The following PTPRD variants were observed in gnomAD, a reference collection of about 807,000 sequenced individuals.
The protein encoded by PTPRD is protein tyrosine phosphatase receptor type D.
PTPRD carries 34 observed loss-of-function variants against 214.5 expected under a neutral mutation model. The ratio of observed to expected loss-of-function variants is 0.16; its 90% confidence interval spans 0.12 to 0.21. The LOEUF is 0.21. Ranked by LOEUF, PTPRD falls within the 10% of genes least tolerant of loss-of-function variation. The pLI is 1.00. For synonymous variants in PTPRD, 1,128 were observed against 845.7 expected, an observed-to-expected ratio of 1.33 and a Z score of -5.79; for missense variants, 2,545 against 2,398.7, an observed-to-expected ratio of 1.06 and a Z score of -1.27.
intron 14 of PTPRD, among the ~76,000 whole-genome samples, chr9:8,610,164 T>G (rs1209660338): frequency 6.7e-6 from 1 of 150,356 alleles, no homozygotes; most frequent in African/African-American, 2.5e-5. Context: ...ATCATTATTA[T>G]TTGTTGTTGT....
At chr9:10,195,275 G>C (rs906209222) in intron 3 of PTPRD, among the ~76,000 whole-genome samples, 1 of 152,000 alleles carries the variant, frequency 6.6e-6, no homozygotes, top group Admixed American at 6.6e-5. Context: ...TCCTCATTTG[G>C]AAAAGGAAGG....
In PTPRD at chr9:9,969,118, C is replaced by A. The variant is rs138823767; in HGVS notation, c.-471-30508G>T. On this transcript the variant is annotated intron_variant, in intron 4 of 45. Coordinates refer to ENST00000381196, the MANE Select transcript of PTPRD (RefSeq NM_002839.4). ...GCATGTGACACGTCCATAAAAGTCTCACTGAGGAAATAACAAAGCTATGAC... is the reference window on the plus strand; with the variant it reads ...GCATGTGACACGTCCATAAAAGTCTAACTGAGGAAATAACAAAGCTATGAC... Among the ~76,000 whole-genome samples, 52 of 152,210 alleles carry A rather than the reference C, an allele frequency of 3.4e-4. No individual in the cohort carries two copies. The East Asian group carries it at 6.8e-3, about 20-fold the overall frequency.
At chr9:8,508,891 CTGTGTGTGTGTGTG>C (rs59265464) in intron 21 of PTPRD, among the ~76,000 whole-genome samples, 3 of 140,502 alleles carry the variant, frequency 2.1e-5, no homozygotes, top group Non-Finnish European at 3.2e-5. Flanking sequence ...GTGTGTGTGT[CTGTGTGTGTGTGTG>C]TGTGTGTGTG....
chr9:10,599,014 C>T (rs2077325194), intron 2 of PTPRD, among the ~76,000 whole-genome samples: 1 of 151,638 alleles, frequency 6.6e-6, no homozygotes, highest in Admixed American at 6.6e-5. Flanking sequence ...TATGGGACTA[C>T]ATTTCCCAGC....
intron 11 of PTPRD, among the ~76,000 whole-genome samples, chr9:8,808,487 G>A (rs1178314637): frequency 3.5e-5 from 2 of 57,792 alleles, no homozygotes; most frequent in South Asian, 9.0e-4. Flanking sequence ...TTTTTTTTTG[G>A]CTTTCATGGA....
intron 7 of PTPRD, among the ~76,000 whole-genome samples, chr9:9,730,228 T>C (rs1394776310): frequency 2.0e-5 from 3 of 152,170 alleles, no homozygotes; most frequent in Admixed American, 6.6e-5. Context: ...GTATGACTAA[T>C]GCTAAGCACA....
At chr9:9,296,415 A>G (rs937579977) in intron 9 of PTPRD, among the ~76,000 whole-genome samples, 10 of 151,764 alleles carry the variant, frequency 6.6e-5, no homozygotes, top group African/African-American at 2.4e-4. Flanking sequence ...ACCTTCTGAC[A>G]AATTTGATTT....
chr9:9,937,008 AG>A (rs1388744340), intron 5 of PTPRD, among the ~76,000 whole-genome samples: 1 of 151,900 alleles, frequency 6.6e-6, no homozygotes, highest in African/African-American at 2.4e-5. Context: ...TCTCACTCAT[AG>A]GTGGGAATTG....
chr9:8,749,181 T>A (rs952676273), intron 11 of PTPRD, among the ~76,000 whole-genome samples: 3 of 152,172 alleles, frequency 2.0e-5, no homozygotes, highest in African/African-American at 7.2e-5. Flanking sequence ...TGGGATTTTT[T>A]GTTTTTGTTC....
At chr9:9,201,665 A>C (rs562894399) in intron 9 of PTPRD, among the ~76,000 whole-genome samples, 1 of 152,210 alleles carries the variant, frequency 6.6e-6, no homozygotes, top group Admixed American at 6.5e-5. Flanking sequence ...AATAATTAAC[A>C]AATGTCTTAC....
At chr9:10,271,530 G>GTTTCT (rs200343939) in intron 3 of PTPRD, among the ~76,000 whole-genome samples, 158 of 117,796 alleles carry the variant, frequency 1.3e-3, no homozygotes, top group African/African-American at 4.1e-3. Context: ...AAATTCAATT[G>GTTTCT]TTTCTTTTCT....
At chr9:8,866,053 C>T (rs893744223) in intron 11 of PTPRD, among the ~76,000 whole-genome samples, 7 of 152,150 alleles carry the variant, frequency 4.6e-5, no homozygotes, top group Admixed American at 3.3e-4. Flanking sequence ...CTTAGATGAA[C>T]AGAGCATTCA....
chr9:10,364,190 A>C (rs994714588), intron 2 of PTPRD, among the ~76,000 whole-genome samples: 4 of 151,370 alleles, frequency 2.6e-5, no homozygotes, highest in African/African-American at 9.7e-5. Context: ...TTTAGTAGAG[A>C]TAGGGTTTCA....
At chr9:9,127,359 C>T (rs745422535) in intron 10 of PTPRD, among the ~76,000 whole-genome samples, 11 of 152,114 alleles carry the variant, frequency 7.2e-5, no homozygotes, top group Non-Finnish European at 1.6e-4. Flanking sequence ...TAGTTAACCT[C>T]ATAACAAACA....
intron 3 of PTPRD, among the ~76,000 whole-genome samples, chr9:10,148,730 T>G (rs2099040856): frequency 6.6e-6 from 1 of 152,204 alleles, no homozygotes; most frequent in African/African-American, 2.4e-5. Context: ...CCAACTGTAA[T>G]GCCCAGGTTC....
intron 30 of PTPRD, among the ~76,000 whole-genome samples, chr9:8,483,153 C>A (rs1398415383): frequency 6.6e-6 from 1 of 152,190 alleles, no homozygotes; most frequent in African/African-American, 2.4e-5. Flanking sequence ...TGTCCTTGGA[C>A]AAACTTATTT....
intron 3 of PTPRD, among the ~76,000 whole-genome samples, chr9:10,156,326 T>C (rs2099093315): frequency 6.6e-6 from 1 of 152,086 alleles, no homozygotes; most frequent in Admixed American, 6.6e-5. Flanking sequence ...GAGATTCTGG[T>C]GTGTTGTATC....
intron 5 of PTPRD, chr9:9,803,708 T>G (rs2099055894): frequency 6.6e-6 from 1 of 152,010 alleles, no homozygotes; most frequent in African/African-American, 2.4e-5. Flanking sequence ...TTTTTCTCTT[T>G]TCTTTCAGGA....
intron 11 of PTPRD, among the ~76,000 whole-genome samples, chr9:8,948,125 T>C (rs572620254): frequency 1.3e-5 from 2 of 150,946 alleles, no homozygotes; most frequent in African/African-American, 2.4e-5. Context: ...GTTCGAGCGA[T>C]TCTCCTGCCT....
Sources: gnomAD v4.1 joint callset for allele counts (sites outside exome capture counted in the v4.1 genomes callset) on GRCh38, gnomAD v4.1.1 for gene constraint, MANE v1.5 for transcripts, NCBI Gene and HGNC (gene_info 2026-07-23, HGNC 2026-07-21) for gene names.